BBS12: variants seen among roughly 807,000 people sequenced by gnomAD.
BBS12 encodes Bardet-Biedl syndrome 12, also known as chaperonin-containing T-complex member BBS12.
Under a neutral mutation model 5.6 loss-of-function variants are expected in BBS12, and 5 were observed. That is an observed-to-expected ratio of 0.89 (90% CI 0.46 to 1.86). The LOEUF is 1.86. Among genes scored for constraint, BBS12 ranks in the 40% most tolerant of loss-of-function variants. The pLI, the probability that BBS12 is intolerant of heterozygous loss-of-function variation, is 0.01. For missense variants in BBS12, 748 were observed against 830.4 expected (o/e 0.90, Z 1.22); for synonymous variants, 308 against 306.8 (o/e 1.00, Z -0.04).
chr4:122,736,420 A>G (rs1367229198), intron 1 of BBS12, among the ~76,000 whole-genome samples: 2 of 152,126 alleles, frequency 1.3e-5, no homozygotes, highest in Admixed American at 1.3e-4. Context: ...AGAAAATATT[A>G]TAATTTTTCA....
chr4:122,707,536 C>T, the BBS12 span, among the ~76,000 whole-genome samples: 1 of 152,202 alleles, frequency 6.6e-6, no homozygotes, highest in African/African-American at 2.4e-5. Flanking sequence ...AAATTGAGAC[C>T]ACCACGTGAA....
the BBS12 span, among the ~76,000 whole-genome samples, chr4:122,700,718 T>C: frequency 2.8e-3 from 423 of 152,234 alleles, no homozygotes; most frequent in Non-Finnish European, 4.4e-3. Flanking sequence ...CCATGTTAGG[T>C]AATGAAGGAG....
At position 122,743,170 on chromosome 4, in the gene BBS12, T is replaced by A; in HGVS notation, c.1278T>A (p.Cys426Ter). ...TGTCCGAACGCTTAATTGAAAAATGTATAAACAGTAAGCGGTTGGTAATCG... is the reference window on the plus strand; with the variant it reads ...TGTCCGAACGCTTAATTGAAAAATGAATAAACAGTAAGCGGTTGGTAATCG... ...GNVSERLIEKCINSKRLVIGS... is the reference protein window; with the variant it reads ...GNVSERLIEK The change falls in exon 2 of 2, where the codon TGT (cysteine) becomes TGA (stop). Residue 426 changes from cysteine to a stop codon, truncating the protein, a stop_gained. Transcript: ENST00000314218. LOFTEE classifies it low-confidence loss of function (END_TRUNC). The A allele has an allele frequency of 1.2e-6, 2 of 1,614,232 alleles. No homozygotes were observed. Among genetic ancestry groups the A allele is most frequent in the Non-Finnish European group, 1.7e-6 (2 of 1,180,046 alleles).
the BBS12 span, among the ~76,000 whole-genome samples, chr4:122,716,644 C>CACGTGT: frequency 9.5e-5 from 9 of 95,234 alleles, no homozygotes; most frequent in Admixed American, 3.3e-4. Flanking sequence ...TATATACACA[C>CACGTGT]GTGTGTGTAT....
chr4:122,704,788 C>T, the BBS12 span, among the ~76,000 whole-genome samples: 3 of 152,158 alleles, frequency 2.0e-5, no homozygotes, highest in African/African-American at 7.2e-5. Context: ...TAATTTGAGT[C>T]CATTGGGCTC....
upstream of BBS12, chr4:122,731,542 CATAACT>C (rs1553940450): frequency 6.6e-6 from 1 of 152,126 alleles, no homozygotes; most frequent in Non-Finnish European, 1.5e-5. Flanking sequence ...AAAATAAAAT[CATAACT>C]ATATCATTTT....
chr4:122,706,916 T>A, the BBS12 span, among the ~76,000 whole-genome samples: 1 of 152,212 alleles, frequency 6.6e-6, no homozygotes, highest in Admixed American at 6.5e-5. Context: ...AACATTGGGA[T>A]ATAAATTTAT....
At chr4:122,708,873 TAATA>T in the BBS12 span, among the ~76,000 whole-genome samples, 2 of 87,812 alleles carry the variant, frequency 2.3e-5, no homozygotes, top group Non-Finnish European at 5.0e-5. Flanking sequence ...AGCTGTCAAT[TAATA>T]AATATGTTAA....
chr4:122,703,304 G>T, the BBS12 span, among the ~76,000 whole-genome samples: 1 of 150,918 alleles, frequency 6.6e-6, no homozygotes, highest in Non-Finnish European at 1.5e-5. Context: ...GGATTGCCCT[G>T]CAGTCTCTCT....
chr4:122,729,255 T>C (rs1461661321), upstream of BBS12: 4 of 152,290 alleles, frequency 2.6e-5, no homozygotes, highest in African/African-American at 7.2e-5. Flanking sequence ...AAGATATTAC[T>C]ATACGGGGTG....
At chr4:122,707,091 T>C in the BBS12 span, among the ~76,000 whole-genome samples, 4 of 132,496 alleles carry the variant, frequency 3.0e-5, 1 homozygote, top group Admixed American at 3.7e-4. Context: ...GAGAGAGAGA[T>C]GGGGCCTTGC....
chr4:122,715,523 G>A, the BBS12 span, among the ~76,000 whole-genome samples: 37 of 152,182 alleles, frequency 2.4e-4, no homozygotes, highest in African/African-American at 6.7e-4. Context: ...GGAAGAGTGC[G>A]TTTTCATTTG....
the BBS12 span, among the ~76,000 whole-genome samples, chr4:122,712,584 G>A: frequency 6.6e-6 from 1 of 152,216 alleles, no homozygotes; most frequent in African/African-American, 2.4e-5. Context: ...TACAAATGCA[G>A]TGAGTGTTTC....
chr4:122,709,558 TTAA>T, the BBS12 span, among the ~76,000 whole-genome samples: 1 of 152,234 alleles, frequency 6.6e-6, no homozygotes, highest in Non-Finnish European at 1.5e-5. Context: ...AAGAAATGTC[TTAA>T]TAATGATCAT....
intron 1 of BBS12, among the ~76,000 whole-genome samples, chr4:122,737,826 T>C (rs1800806087): frequency 6.6e-6 from 1 of 152,234 alleles, no homozygotes; most frequent in Admixed American, 6.5e-5. Flanking sequence ...AGGATGAATG[T>C]ATAGATCAGT....
intron 1 of BBS12, among the ~76,000 whole-genome samples, chr4:122,737,811 G>A (rs550655433): frequency 6.6e-6 from 1 of 152,328 alleles, no homozygotes; most frequent in East Asian, 1.9e-4. Context: ...TGTGGTACTG[G>A]CATAAGGATG....
chr4:122,737,427 G>A (rs1048747097), intron 1 of BBS12, among the ~76,000 whole-genome samples: 36 of 152,156 alleles, frequency 2.4e-4, no homozygotes, highest in African/African-American at 8.4e-4. Context: ...TTTTGTATAT[G>A]TTATGTAACT....
the BBS12 span, among the ~76,000 whole-genome samples, chr4:122,702,685 C>T: frequency 2.0e-5 from 3 of 152,204 alleles, no homozygotes; most frequent in South Asian, 2.1e-4. Flanking sequence ...ACCCTTTATT[C>T]GCAAAGGATG....
At chr4:122,741,384 G>A (rs368522124) in intron 1 of BBS12, among the ~76,000 whole-genome samples, 3 of 152,002 alleles carry the variant, frequency 2.0e-5, no homozygotes, top group African/African-American at 7.2e-5. Flanking sequence ...ACGAGGTTTC[G>A]CCATATTGGC....
Sources: allele counts gnomAD v4.1 joint callset (sites outside exome capture counted in the v4.1 genomes callset), GRCh38; gene constraint gnomAD v4.1.1; transcripts MANE v1.5; gene names NCBI Gene and HGNC (gene_info 2026-07-23, HGNC 2026-07-21).